Variants in TAF4 observed in about 807,000 individuals in gnomAD.
TAF4 encodes transcription initiation factor TFIID subunit 4.
In TAF4, 9 loss-of-function variants were observed where a neutral mutation model predicts 90.3. The ratio of observed to expected loss-of-function variants is 0.10; its 90% CI spans 0.06 to 0.17. TAF4 has a LOEUF of 0.17. Among genes scored for constraint, TAF4 ranks in the 10% least tolerant of loss-of-function variants. The pLI is 1.00. For missense variants in TAF4, 1,351 were observed against 1,370.7 expected (o/e 0.99, Z 0.23); for synonymous variants, 818 against 638.9 (o/e 1.28, Z -4.23).
chr20:62,021,841 A>T (rs1422355637), intron 1 of TAF4, among the ~76,000 whole-genome samples: 5 of 152,088 alleles, frequency 3.3e-5, no homozygotes, highest in Non-Finnish European at 5.9e-5. Flanking sequence ...TTAAATATTT[A>T]AAAAAAGAAA....
intron 13 of TAF4, 87 bp downstream of exon 13, chr20:61,998,049 G>A: frequency 1.6e-6 from 2 of 1,286,100 alleles, no homozygotes; most frequent in Admixed American, 2.3e-5. Context: ...TCGTACAGAA[G>A]TGCCACGGTT....
intron 14 of TAF4, among the ~76,000 whole-genome samples, chr20:61,988,742 G>A (rs1352627468): frequency 3.9e-5 from 6 of 152,088 alleles, no homozygotes; most frequent in Non-Finnish European, 5.9e-5. Context: ...CCAAACAGAC[G>A]CCGGCGCCAA....
chr20:61,993,231 C>T (rs1210578138), intron 14 of TAF4, among the ~76,000 whole-genome samples: 4 of 152,208 alleles, frequency 2.6e-5, no homozygotes, highest in Non-Finnish European at 4.4e-5. Flanking sequence ...GACCAGCCAC[C>T]GTCCCCGGGG....
chr20:62,039,684 G>A (rs2055953017), intron 1 of TAF4, among the ~76,000 whole-genome samples: 1 of 152,150 alleles, frequency 6.6e-6, no homozygotes, highest in African/African-American at 2.4e-5. Flanking sequence ...ACTTTAAAAC[G>A]CATGCAGCTA....
Position 62,064,618 on chromosome 20 carries a change from G to A in TAF4, c.1193C>T (p.Thr398Ile). The stretch of plus-strand genomic sequence containing the variant: ...GCCGGCCGCGCCTTTGGGCAGCCCG[G>A]TGGGGGTCCCGGGGGCGGGCGGCGG... ...AVPPPAPGTP[T>I]GLPKGAAGAV... is the part of the protein sequence containing the mutation. Residue 398 changes from threonine (T) to isoleucine (I), a missense_variant, in exon 1 of 15, where the codon ACC (threonine) becomes ATC (isoleucine). Physicochemically the swap from Thr to Ile is moderately conservative, Grantham distance 89. Transcript: ENST00000252996. 2.2e-6 allele frequency: 3 copies of A among 1,388,220 alleles called. No homozygotes were observed. The highest frequency in any genetic ancestry group is 2.8e-6 in the Non-Finnish European group (3 of 1,076,712). The allele number at this position is 1,388,220 out of a possible 1,614,324, so 86.0% of individuals were successfully genotyped here.
chr20:61,977,382 T>C (rs114581414), intron 14 of TAF4, among the ~76,000 whole-genome samples: 3,294 of 152,346 alleles, frequency 0.022, 122 homozygotes, highest in African/African-American at 0.076. Flanking sequence ...AAGATTACGA[T>C]GGCATCTTTA....
rs545309201 is a variant in TAF4 at position 62,056,035 on chromosome 20, G to A, written c.1360+8416C>T. On this transcript the variant is annotated intron_variant, in intron 1 of 14. Coordinates refer to ENST00000252996, the MANE Select transcript of TAF4 (RefSeq NM_003185.4). ...GCGGAGCACTTGAGGTCAGGAGTTC[G>A]AGACCAACCTGGCCAACAAGGTGAA... Among the ~76,000 whole-genome samples the A allele has an allele frequency of 2.8e-4, 42 of 151,888 alleles. 1 individual carries two copies. The highest frequency in any genetic ancestry group is 5.8e-4 in the East Asian group (3 of 5,166).
At chr20:61,977,719 A>G (rs930677931) in intron 14 of TAF4, among the ~76,000 whole-genome samples, 1 of 152,000 alleles carries the variant, frequency 6.6e-6, no homozygotes, top group African/African-American at 2.4e-5. Flanking sequence ...AAGCCTCCGC[A>G]CTCCACACTA....
chr20:62,041,458 T>C (rs996740856), intron 1 of TAF4, among the ~76,000 whole-genome samples: 1 of 151,866 alleles, frequency 6.6e-6, no homozygotes, highest in Non-Finnish European at 1.5e-5. Context: ...TGAAACCCCA[T>C]CTCTACTAAA....
At chr20:62,025,933 C>T (rs1274969984) in intron 1 of TAF4, among the ~76,000 whole-genome samples, 14 of 152,130 alleles carry the variant, frequency 9.2e-5, no homozygotes, top group African/African-American at 4.8e-5. Flanking sequence ...GATGGCTCCA[C>T]GTGCATGCAC....
At chr20:62,052,272 G>A (rs751328592) in intron 1 of TAF4, among the ~76,000 whole-genome samples, 3 of 125,244 alleles carry the variant, frequency 2.4e-5, no homozygotes, top group East Asian at 2.8e-4. Context: ...CCACCGACCC[G>A]AAGCACGAAT....
intron 1 of TAF4, among the ~76,000 whole-genome samples, chr20:62,056,792 T>C (rs1313216282): frequency 6.6e-6 from 1 of 152,154 alleles, no homozygotes; most frequent in Non-Finnish European, 1.5e-5. Flanking sequence ...CTTCCCAAAC[T>C]TCCTATAATG....
intron 1 of TAF4, among the ~76,000 whole-genome samples, chr20:62,062,424 T>C (rs1218213049): frequency 6.6e-6 from 1 of 152,206 alleles, no homozygotes; most frequent in Non-Finnish European, 1.5e-5. Context: ...CTTTGGTTAT[T>C]ATTGAAACAA....
At chr20:62,055,834 C>T (rs1472024870) in intron 1 of TAF4, among the ~76,000 whole-genome samples, 12 of 152,220 alleles carry the variant, frequency 7.9e-5, no homozygotes, top group Admixed American at 5.9e-4. Context: ...TGCCTGGCCC[C>T]CACAACGGAC....
At chr20:62,034,174 T>C (rs774989721) in intron 1 of TAF4, among the ~76,000 whole-genome samples, 26 of 152,048 alleles carry the variant, frequency 1.7e-4, no homozygotes, top group Non-Finnish European at 3.5e-4. Flanking sequence ...TGAAATACAA[T>C]TGTCATTAAT....
chr20:61,989,230 A>G (rs1028079538), intron 14 of TAF4, among the ~76,000 whole-genome samples: 2 of 152,066 alleles, frequency 1.3e-5, no homozygotes, highest in Non-Finnish European at 2.9e-5. Context: ...ACGGCCTGGG[A>G]GCAGGGGCCC....
At chr20:62,062,584 C>G (rs906289895) in intron 1 of TAF4, among the ~76,000 whole-genome samples, 3 of 152,168 alleles carry the variant, frequency 2.0e-5, no homozygotes, top group Non-Finnish European at 4.4e-5. Flanking sequence ...TGAGCTGTTC[C>G]TCTGTCCTCA....
At chr20:62,002,264 C>A (rs1189150552) in intron 9 of TAF4, among the ~76,000 whole-genome samples, 1 of 152,154 alleles carries the variant, frequency 6.6e-6, no homozygotes, top group Non-Finnish European at 1.5e-5. Flanking sequence ...CTGGCTCAGG[C>A]CACAGCCACT....
intron 1 of TAF4, among the ~76,000 whole-genome samples, chr20:62,028,622 ACAGTG>A (rs2055887073): frequency 6.6e-6 from 1 of 152,214 alleles, no homozygotes; most frequent in Non-Finnish European, 1.5e-5. Context: ...GTGAACAGGT[ACAGTG>A]CACATGCGTG....
Sources: allele counts gnomAD v4.1 joint callset (sites outside exome capture counted in the v4.1 genomes callset), GRCh38; gene constraint gnomAD v4.1.1; transcripts MANE v1.5; gene names NCBI Gene and HGNC (gene_info 2026-07-23, HGNC 2026-07-21).